Variants in NTM observed in about 807,000 individuals in gnomAD.
NTM encodes IgLON family member 2.
In NTM, 13 loss-of-function variants were observed where a neutral mutation model predicts 42.1. The observed-to-expected ratio is 0.31, with a 90% confidence interval of 0.20 to 0.49. The LOEUF is 0.49. NTM is among the 20% of genes least tolerant of loss of function. The pLI is 0.99. For synonymous variants in NTM, 187 were observed against 179.2 expected (o/e 1.04, Z -0.35); for missense variants, 373 against 452.8 (o/e 0.82, Z 1.60).
chr11:132,059,949 G>C (rs978284238), intron 2 of NTM, among the ~76,000 whole-genome samples: 5 of 152,018 alleles, frequency 3.3e-5, no homozygotes, highest in African/African-American at 1.2e-4. Context: ...GCCTTTTGAG[G>C]GAGGTGCCTA....
intron 1 of NTM, among the ~76,000 whole-genome samples, chr11:131,493,293 AATT>A (rs762158749): frequency 2.6e-5 from 4 of 152,076 alleles, no homozygotes; most frequent in Non-Finnish European, 5.9e-5. Context: ...CTTAAAAGAC[AATT>A]ATTATAATGT....
intron 2 of NTM, among the ~76,000 whole-genome samples, chr11:132,005,703 A>G (rs192939016): frequency 5.3e-5 from 8 of 152,048 alleles, no homozygotes; most frequent in Admixed American, 1.3e-4. Flanking sequence ...TCATATTTCT[A>G]TCTCTTCCTT....
chr11:132,194,625 G>A (rs2079875996), intron 3 of NTM, among the ~76,000 whole-genome samples: 1 of 151,948 alleles, frequency 6.6e-6, no homozygotes, highest in Non-Finnish European at 1.5e-5. Context: ...AGAGAAGTTG[G>A]GCAAGAGAAA....
intron 1 of NTM, among the ~76,000 whole-genome samples, chr11:131,655,604 G>A (rs972667018): frequency 6.6e-6 from 1 of 152,234 alleles, no homozygotes; most frequent in African/African-American, 2.4e-5. Context: ...CTGCTGGTGA[G>A]CTGGGACCAC....
chr11:131,738,495 A>C (rs900168008), intron 1 of NTM, among the ~76,000 whole-genome samples: 1 of 152,228 alleles, frequency 6.6e-6, no homozygotes, highest in African/African-American at 2.4e-5. Flanking sequence ...GGCAGAACCA[A>C]TGCAAAATTT....
At chr11:131,972,640 C>T (rs1347151763) in intron 2 of NTM, among the ~76,000 whole-genome samples, 1 of 152,206 alleles carries the variant, frequency 6.6e-6, no homozygotes, top group East Asian at 1.9e-4. Flanking sequence ...TGTGTTTCTG[C>T]TTTGGCCTCC....
chr11:131,558,395 G>A (rs1275430171), intron 1 of NTM, among the ~76,000 whole-genome samples: 1 of 152,162 alleles, frequency 6.6e-6, no homozygotes, highest in Non-Finnish European at 1.5e-5. Flanking sequence ...TTGGAGGACA[G>A]ACAGGGAGGC....
chr11:132,069,703 G>A lies in NTM; in HGVS notation c.168-76579G>A, dbSNP rs557322757. On this transcript the variant is annotated intron_variant, in intron 2 of 8. Transcript: ENST00000683400. ...CACAGGTTAGTTAACACGTCACACA[G>A]CCAGGTTAACACGTCACACTGACCA... Among the ~76,000 whole-genome samples the A allele has an allele frequency of 8.3e-4, 124 of 149,674 alleles. 1 individual carries two copies. Among genetic ancestry groups the A allele is most frequent in the Non-Finnish European group, 1.5e-3 (99 of 67,430 alleles).
At chr11:131,573,346 G>T (rs75835443) in intron 1 of NTM, among the ~76,000 whole-genome samples, 4,625 of 152,220 alleles carry the variant, frequency 0.03, 227 homozygotes, top group African/African-American at 0.1. Flanking sequence ...CTGTAGAAAG[G>T]AACAGATGAA....
intron 4 of NTM, among the ~76,000 whole-genome samples, chr11:132,296,406 T>C (rs994361389): frequency 3.3e-5 from 5 of 152,220 alleles, no homozygotes; most frequent in Admixed American, 2.6e-4. Context: ...GTTTGTTCCT[T>C]CTAACATTTT....
At chr11:131,859,128 G>C (rs893286631) in intron 1 of NTM, among the ~76,000 whole-genome samples, 2 of 152,130 alleles carry the variant, frequency 1.3e-5, no homozygotes, top group African/African-American at 4.8e-5. Context: ...CTGTCCGTCT[G>C]TCCGTCCATT....
intron 1 of NTM, among the ~76,000 whole-genome samples, chr11:131,797,678 G>A (rs535710328): frequency 2.0e-5 from 3 of 152,294 alleles, no homozygotes; most frequent in South Asian, 2.1e-4. Flanking sequence ...AATTACCAAC[G>A]TAACTCCCAG....
At chr11:131,407,705 G>A (rs1265420017) in intron 1 of NTM, among the ~76,000 whole-genome samples, 1 of 152,182 alleles carries the variant, frequency 6.6e-6, no homozygotes, top group East Asian at 1.9e-4. Flanking sequence ...AGGAGTCATG[G>A]GTCAGAAAGA....
intron 2 of NTM, among the ~76,000 whole-genome samples, chr11:132,034,863 C>G (rs930322881): frequency 1.3e-5 from 2 of 152,154 alleles, no homozygotes; most frequent in East Asian, 1.9e-4. Context: ...CTGTGCTGAT[C>G]AAAAATGTTC....
intron 1 of NTM, among the ~76,000 whole-genome samples, chr11:131,394,539 C>A (rs751944709): frequency 1.3e-5 from 2 of 152,156 alleles, no homozygotes; most frequent in Non-Finnish European, 2.9e-5. Context: ...TGGAGCCATG[C>A]CTTCACCTCT....
intron 1 of NTM, among the ~76,000 whole-genome samples, chr11:131,404,001 C>T (rs1431828299): frequency 6.6e-6 from 1 of 152,154 alleles, no homozygotes; most frequent in African/African-American, 2.4e-5. Flanking sequence ...CCTCTCCACT[C>T]GGTCACTTTC....
chr11:131,858,548 C>T (rs1048965684), intron 1 of NTM, among the ~76,000 whole-genome samples: 8 of 152,124 alleles, frequency 5.3e-5, no homozygotes, highest in East Asian at 3.9e-4. Flanking sequence ...GGAGGTTTTC[C>T]GCACGCTGGT....
intron 4 of NTM, among the ~76,000 whole-genome samples, chr11:132,280,480 T>C (rs1300423692): frequency 5.9e-5 from 2 of 33,746 alleles, no homozygotes; most frequent in Non-Finnish European, 6.7e-5. Context: ...CTCTTCTTTT[T>C]TTTTTTTTTT....
intron 4 of NTM, among the ~76,000 whole-genome samples, chr11:132,237,970 A>T (rs1401936162): frequency 6.6e-6 from 1 of 152,156 alleles, no homozygotes; most frequent in Non-Finnish European, 1.5e-5. Flanking sequence ...TATCACCGGA[A>T]TATTACCCAT....
Sources: gnomAD v4.1 joint callset for allele counts (sites outside exome capture counted in the v4.1 genomes callset) on GRCh38, gnomAD v4.1.1 for gene constraint, MANE v1.5 for transcripts, NCBI Gene and HGNC (gene_info 2026-07-23, HGNC 2026-07-21) for gene names.